GHR: variants seen among roughly 807,000 people sequenced by gnomAD.
GHR encodes the protein growth hormone receptor, also known as GH receptor.
GHR carries 35 observed loss-of-function variants against 67.1 expected under a neutral mutation model. That is an observed-to-expected ratio of 0.52 (90% CI 0.40 to 0.69). GHR has a LOEUF of 0.69. Ranked by LOEUF, GHR falls within the 30% of genes least tolerant of loss-of-function variation. The probability of loss-of-function intolerance (pLI) is 0.00; values close to 1 mark genes in which losing one functional copy is unlikely to be tolerated. For missense variants in GHR, 792 were observed against 764.6 expected, an observed-to-expected ratio of 1.04 and a Z score of -0.42; for synonymous variants, 272 against 269.1, an observed-to-expected ratio of 1.01 and a Z score of -0.10.
intron 1 of GHR, among the ~76,000 whole-genome samples, chr5:42,520,394 A>G (rs1034451592): frequency 6.6e-6 from 1 of 152,156 alleles, no homozygotes; most frequent in African/African-American, 2.4e-5. Flanking sequence ...GCATAGCTTT[A>G]TGGTCAGAGA....
At chr5:42,430,668 A>G (rs944752401) in intron 1 of GHR, among the ~76,000 whole-genome samples, 25 of 149,952 alleles carry the variant, frequency 1.7e-4, no homozygotes, top group Non-Finnish European at 3.5e-4. Context: ...TATCCCCAGC[A>G]TTATGGTCTC....
intron 5 of GHR, among the ~76,000 whole-genome samples, chr5:42,697,684 A>T (rs919936787): frequency 6.6e-6 from 1 of 152,198 alleles, no homozygotes; most frequent in Admixed American, 6.5e-5. Flanking sequence ...AAGACAGTCA[A>T]ATCTACCCAA....
intron 1 of GHR, among the ~76,000 whole-genome samples, chr5:42,489,772 C>A (rs1746034813): frequency 1.3e-5 from 2 of 152,048 alleles, no homozygotes; most frequent in African/African-American, 2.4e-5. Context: ...TGCTCCAAAT[C>A]CAGAAGTTAT....
intron 1 of GHR, among the ~76,000 whole-genome samples, chr5:42,474,612 GAAC>G (rs200425185): frequency 4.6e-5 from 7 of 151,876 alleles, no homozygotes; most frequent in Admixed American, 2.0e-4. Flanking sequence ...GATACTGTTT[GAAC>G]AACAACAACA....
chr5:42,504,179 A>G (rs1746656760), intron 1 of GHR, among the ~76,000 whole-genome samples: 1 of 152,202 alleles, frequency 6.6e-6, no homozygotes, highest in Non-Finnish European at 1.5e-5. Flanking sequence ...AATAGTTTAT[A>G]TGCATTGCCC....
intron 6 of GHR, among the ~76,000 whole-genome samples, chr5:42,700,944 G>A (rs1480887688): frequency 6.6e-6 from 1 of 152,128 alleles, no homozygotes; most frequent in African/African-American, 2.4e-5. Context: ...CAAATAAAAT[G>A]CCTGATTGGA....
At chr5:42,576,675 G>GT (rs1054493998) in intron 2 of GHR, among the ~76,000 whole-genome samples, 6 of 152,172 alleles carry the variant, frequency 3.9e-5, no homozygotes, top group Non-Finnish European at 8.8e-5. Flanking sequence ...TCTTGAAGAT[G>GT]TTTCTAATGT....
chr5:42,434,437 T>G (rs1743233456), intron 1 of GHR, among the ~76,000 whole-genome samples: 1 of 152,208 alleles, frequency 6.6e-6, no homozygotes, highest in Non-Finnish European at 1.5e-5. Flanking sequence ...TTGTGCCTCC[T>G]CAAATGCCAG....
intron 2 of GHR, among the ~76,000 whole-genome samples, chr5:42,567,897 A>C (rs955992143): frequency 6.6e-6 from 1 of 152,122 alleles, no homozygotes; most frequent in Admixed American, 6.6e-5. Flanking sequence ...TCAGTCTCAG[A>C]TAATATTTAT....
intron 4 of GHR, among the ~76,000 whole-genome samples, chr5:42,690,679 C>A (rs1383387529): frequency 6.6e-6 from 1 of 152,068 alleles, no homozygotes; most frequent in Non-Finnish European, 1.5e-5. Context: ...ACCAAGCAGA[C>A]CTTCCCCACC....
chr5:42,464,054 C>CTA (rs1353284446), intron 1 of GHR, among the ~76,000 whole-genome samples: 1 of 96,482 alleles, frequency 1.0e-5, no homozygotes, highest in African/African-American at 4.7e-5. Flanking sequence ...GTTGATATTA[C>CTA]CAAAAAAAAA....
chr5:42,685,112 G>A (rs945228189), intron 3 of GHR, among the ~76,000 whole-genome samples: 2 of 151,950 alleles, frequency 1.3e-5, no homozygotes, highest in Non-Finnish European at 2.9e-5. Context: ...GCCCTCAACA[G>A]GCCCCAGTGT....
chr5:42,661,483 A>G (rs1002286978), intron 3 of GHR, among the ~76,000 whole-genome samples: 4 of 152,248 alleles, frequency 2.6e-5, no homozygotes, highest in South Asian at 2.1e-4. Context: ...TTCAACCCAG[A>G]ATTTCATATC....
chr5:42,714,717 A>G (rs766991553), intron 8 of GHR, among the ~76,000 whole-genome samples: 1 of 152,206 alleles, frequency 6.6e-6, no homozygotes, highest in Non-Finnish European at 1.5e-5. Context: ...AAAAGCAGCT[A>G]TCATAAATCA....
intron 3 of GHR, among the ~76,000 whole-genome samples, chr5:42,634,660 T>C (rs1392140668): frequency 6.6e-6 from 1 of 152,192 alleles, no homozygotes; most frequent in Non-Finnish European, 1.5e-5. Context: ...GATAAAGATA[T>C]AGAGGAGGAG....
At position 42,601,170 on chromosome 5, in the gene GHR, G is replaced by A. The variant is rs577112236; in HGVS notation, c.71-27868G>A. 5.9e-5 allele frequency among the ~76,000 whole-genome samples: 9 copies of A among 151,730 alleles called. No homozygotes were observed. In the South Asian group the frequency reaches 1.5e-3, roughly 25 times the overall value. On this transcript the variant is annotated intron_variant, in intron 2 of 9. Transcript: ENST00000230882. ...TTGAATTCCCGACTTGAGGTGATCC[G>A]CCCCGCTCAGCCTCCCAAAGTGCTG...
intron 1 of GHR, among the ~76,000 whole-genome samples, chr5:42,500,827 A>T (rs1183195215): frequency 6.6e-6 from 1 of 152,242 alleles, no homozygotes; most frequent in Non-Finnish European, 1.5e-5. Context: ...GACAGCTGAC[A>T]TCCGTAACAA....
In GHR at chr5:42,666,696, G is replaced by A. The variant is rs74761512; in HGVS notation, c.137-22194G>A. ...CTAAGCTCTTATTGCTCAGAATGTG[G>A]TCCCCAGAGCAGAATCAACAGCATC... On this transcript the variant is annotated intron_variant, in intron 3 of 9. Transcript: ENST00000230882. Among the ~76,000 whole-genome samples, 564 of 152,216 alleles carry A rather than the reference G, an allele frequency of 3.7e-3. 1 individual carries two copies. Among genetic ancestry groups the A allele is most frequent in the African/African-American group, 0.013 (547 of 41,542 alleles).
At chr5:42,581,655 G>A (rs1751173608) in intron 2 of GHR, among the ~76,000 whole-genome samples, 1 of 152,166 alleles carries the variant, frequency 6.6e-6, no homozygotes, top group African/African-American at 2.4e-5. Flanking sequence ...TGGAAGATCT[G>A]GAATTGATGG....
Sources: allele counts gnomAD v4.1 joint callset (sites outside exome capture counted in the v4.1 genomes callset), GRCh38; gene constraint gnomAD v4.1.1; transcripts MANE v1.5; gene names NCBI Gene and HGNC (gene_info 2026-07-23, HGNC 2026-07-21).